Variants in PAM observed in about 807,000 individuals in gnomAD.
PAM encodes peptidyl-glycine alpha-amidating monooxygenase.
A neutral mutation model predicts 122.1 loss-of-function variants in PAM; 72 were observed. The ratio of observed to expected loss-of-function variants is 0.59; its 90% confidence interval spans 0.49 to 0.72. The LOEUF is 0.72. Among genes scored for constraint, PAM ranks in the 30% least tolerant of loss-of-function variants. The probability of loss-of-function intolerance (pLI) is 0.00; values close to 1 mark genes in which losing one functional copy is unlikely to be tolerated. For synonymous variants in PAM, 389 were observed against 404.4 expected, an observed-to-expected ratio of 0.96 and a Z score of 0.46; for missense variants, 1,106 against 1,183.7, an observed-to-expected ratio of 0.93 and a Z score of 0.96.
intron 7 of PAM, among the ~76,000 whole-genome samples, chr5:102,943,836 G>A (rs7733485): frequency 0.75 from 114,738 of 152,136 alleles, 44,023 homozygotes; most frequent in African/African-American, 0.9. Flanking sequence ...GAGGAAAGCA[G>A]TTTCTCAAAG....
chr5:102,998,020 CAGTG>C (rs1393812042), intron 16 of PAM, among the ~76,000 whole-genome samples: 1 of 152,180 alleles, frequency 6.6e-6, no homozygotes, highest in East Asian at 1.9e-4. Flanking sequence ...ACATGGCTGT[CAGTG>C]AGTAATTTAA....
At chr5:102,890,124 G>A (rs1236886180) in intron 3 of PAM, among the ~76,000 whole-genome samples, 1 of 151,894 alleles carries the variant, frequency 6.6e-6, no homozygotes, top group African/African-American at 2.4e-5. Flanking sequence ...TGCATCACTA[G>A]AGTATCATTT....
At chr5:102,774,767 C>A (rs1421109101) in intron 1 of PAM, among the ~76,000 whole-genome samples, 1 of 151,920 alleles carries the variant, frequency 6.6e-6, no homozygotes, top group African/African-American at 2.4e-5. Flanking sequence ...TTTTGCAATT[C>A]ATTTTGTCTC....
intron 3 of PAM, among the ~76,000 whole-genome samples, chr5:102,877,340 A>G (rs2151080457): frequency 6.6e-6 from 1 of 152,360 alleles, no homozygotes; most frequent in South Asian, 2.1e-4. Context: ...AATACTTGAA[A>G]TAAAGAATTA....
chr5:102,987,854 T>C (rs1239442983), intron 15 of PAM, among the ~76,000 whole-genome samples: 2 of 152,122 alleles, frequency 1.3e-5, no homozygotes, highest in African/African-American at 2.4e-5. Context: ...GCCCACCTTC[T>C]CTCCAAAAGG....
chr5:102,803,015 C>T (rs1364909354), intron 1 of PAM, among the ~76,000 whole-genome samples: 2 of 151,758 alleles, frequency 1.3e-5, no homozygotes, highest in Non-Finnish European at 2.9e-5. Context: ...CCCAGCTACT[C>T]GAGAGTCTAA....
intron 4 of PAM, among the ~76,000 whole-genome samples, chr5:102,906,801 G>A (rs1274028208): frequency 6.6e-6 from 1 of 151,716 alleles, no homozygotes; most frequent in Non-Finnish European, 1.5e-5. Flanking sequence ...TAGTGAGCTA[G>A]AGGACTGGCA....
intron 1 of PAM, among the ~76,000 whole-genome samples, chr5:102,773,151 G>T (rs1442275712): frequency 1.3e-5 from 2 of 152,022 alleles, no homozygotes; most frequent in Non-Finnish European, 2.9e-5. Flanking sequence ...AGACTTCCTG[G>T]GTTCACAGTT....
chr5:102,756,677 A>AT (rs1310614636), intron 1 of PAM, among the ~76,000 whole-genome samples: 1 of 152,162 alleles, frequency 6.6e-6, no homozygotes, highest in East Asian at 1.9e-4. Context: ...TGGCCTAAAA[A>AT]ATCAGCTTTA....
At chr5:102,823,035 T>C (rs760770180) in intron 1 of PAM, among the ~76,000 whole-genome samples, 4 of 152,188 alleles carry the variant, frequency 2.6e-5, no homozygotes, top group Non-Finnish European at 4.4e-5. Flanking sequence ...TTATTTCGTT[T>C]TTTTCCCCCA....
At chr5:102,891,806 A>G (rs1187029144) in intron 3 of PAM, among the ~76,000 whole-genome samples, 1 of 151,878 alleles carries the variant, frequency 6.6e-6, no homozygotes, top group Non-Finnish European at 1.5e-5. Context: ...ATGAAAAGAC[A>G]AGGATTTCAA....
intron 4 of PAM, among the ~76,000 whole-genome samples, chr5:102,906,590 G>A (rs560051609): frequency 4.6e-5 from 7 of 151,756 alleles, no homozygotes; most frequent in Admixed American, 1.3e-4. Flanking sequence ...ATACTACTAG[G>A]GGACAAATTA....
rs991420820 is a variant in PAM, at chr5:103,003,227, C to T, written c.1730+78C>T. 16 of 692,404 alleles carry T rather than the reference C, an allele frequency of 2.3e-5. 1 individual carries two copies. The Middle Eastern group carries it at 8.7e-4, about 38-fold the overall frequency. 42.9% of individuals were successfully genotyped at this position (692,404 alleles called of 1,614,324 possible). On this transcript the variant is annotated intron_variant, in intron 17 of 25. Coordinates refer to ENST00000438793, the MANE Select transcript of PAM (RefSeq NM_001177306.2). ...AAGTGTATCATAGAGTCTTGAAATT[C>T]GAGTGTTTTGTATAACTGCACTTGA...
Position 103,005,192 on chromosome 5 carries a change from G to A in PAM, c.1769G>A (p.Gly590Glu). 1 of 1,511,008 alleles carries A rather than the reference G, an allele frequency of 6.6e-7. No homozygotes were observed. 93.6% of individuals were successfully genotyped at this position (1,511,008 alleles called of 1,614,324 possible). A position where few individuals can be genotyped will look rare whatever the true frequency, so the allele number is the denominator to read the frequency against. Residue 590 changes from glycine to glutamate, a missense_variant, in exon 18 of 26, where the codon GGG (glycine) becomes GAG (glutamate). This residue lies in a region of PAM where 103 missense variants were observed against 157.9 expected (regional missense o/e 0.65). Coordinates refer to ENST00000438793, the MANE Select transcript of PAM (RefSeq NM_001177306.2). ...CATGGCTTGAGTATAGATAAAGATG[G>A]GAATTATTGGGTCACAGACGTGGCT... The part of the protein sequence containing the change: ...LPHGLSIDKD[G>E]NYWVTDVALH...
chr5:102,946,171 C>A (rs1756972294), intron 7 of PAM, among the ~76,000 whole-genome samples: 1 of 152,074 alleles, frequency 6.6e-6, no homozygotes, highest in African/African-American at 2.4e-5. Flanking sequence ...AAACTGCCAC[C>A]TGCTATAGGA....
Position 102,879,513 on chromosome 5 carries a change from G to C in PAM, c.210+12120G>C, listed in dbSNP as rs79542234. Among the ~76,000 whole-genome samples the C allele has an allele frequency of 8.5e-5, 13 of 152,238 alleles. No homozygotes were observed. The East Asian group carries it at 2.3e-3, about 27-fold the overall frequency. ...GGCAGATTTCCCCCTTGTTGTTCCA[G>C]TGACAGTAAGTGGGTTCTCATGAAA... On this transcript the variant is annotated intron_variant, in intron 3 of 25. Transcript: ENST00000438793.
At chr5:102,771,338 G>A (rs1019805546) in intron 1 of PAM, among the ~76,000 whole-genome samples, 2 of 151,922 alleles carry the variant, frequency 1.3e-5, no homozygotes, top group African/African-American at 2.4e-5. Flanking sequence ...AATCATTTTG[G>A]TTGTCTTTTC....
intron 1 of PAM, among the ~76,000 whole-genome samples, chr5:102,859,335 A>AGTGTGTGTGTGT (rs57728525): frequency 1.4e-5 from 2 of 142,314 alleles, no homozygotes. Context: ...GGCCCAGGCT[A>AGTGTGTGTGTGT]GTGTGTGTGT....
At position 102,959,188 on chromosome 5, in the gene PAM, C is replaced by T. The variant is rs558962073; in HGVS notation, c.906-687C>T. On this transcript the variant is annotated intron_variant, in intron 12 of 25. Transcript: ENST00000438793. ...TCATTCAACTGTACAGCACTACTTC[C>T]GTCACATCTCAACCCTTAAAAAAGA... Among the ~76,000 whole-genome samples the T allele has an allele frequency of 9.9e-5, 15 of 152,196 alleles. 1 individual carries two copies. The South Asian group carries it at 1.2e-3, about 13-fold the overall frequency.
Sources: gnomAD v4.1 joint callset for allele counts (sites outside exome capture counted in the v4.1 genomes callset) on GRCh38, gnomAD v4.1.1 for gene constraint, gnomAD v4.1.1 regional missense constraint, MANE v1.5 for transcripts, NCBI Gene and HGNC (gene_info 2026-07-23, HGNC 2026-07-21) for gene names.